Variants in EHMT1 observed in about 807,000 individuals in gnomAD.
The protein encoded by EHMT1 is euchromatic histone lysine methyltransferase 1.
EHMT1 carries 15 observed loss-of-function variants against 147.2 expected under a neutral mutation model. The observed-to-expected ratio is 0.10, with a 90% CI of 0.07 to 0.16. The LOEUF is 0.16. Among genes scored for constraint, EHMT1 ranks in the 10% least tolerant of loss-of-function variants. The pLI, the probability that EHMT1 is intolerant of heterozygous loss-of-function variation, is 1.00. For synonymous variants in EHMT1, 795 were observed against 709.6 expected (o/e 1.12, Z -1.91); for missense variants, 1,587 against 1,772.4 (o/e 0.90, Z 1.88).
chr9:137,668,505 C>T (rs1939961640), intron 1 of EHMT1, among the ~76,000 whole-genome samples: 1 of 152,122 alleles, frequency 6.6e-6, no homozygotes, highest in South Asian at 2.1e-4. Context: ...TACTATATAC[C>T]AGAACTACTA....
At chr9:137,794,224 ATATT>A (rs1413813563) in intron 16 of EHMT1, among the ~76,000 whole-genome samples, 4 of 152,184 alleles carry the variant, frequency 2.6e-5, no homozygotes. Context: ...TCAAATTTGA[ATATT>A]TAATATTTAT....
chr9:137,821,531 T>C (rs762340024), intron 25 of EHMT1, among the ~76,000 whole-genome samples: 4 of 152,076 alleles, frequency 2.6e-5, no homozygotes, highest in Non-Finnish European at 4.4e-5. Context: ...GGAATCTCAC[T>C]GTGTTGCCCA....
intron 9 of EHMT1, among the ~76,000 whole-genome samples, chr9:137,758,827 A>G (rs1949577460): frequency 6.6e-6 from 1 of 152,162 alleles, no homozygotes; most frequent in Non-Finnish European, 1.5e-5. Flanking sequence ...AGCTTAAGAT[A>G]GAAATCTTAG....
At chr9:137,631,694 A>G (rs1031302275) in intron 1 of EHMT1, among the ~76,000 whole-genome samples, 6 of 152,018 alleles carry the variant, frequency 3.9e-5, no homozygotes, top group Admixed American at 6.6e-5. Context: ...TGGACAACAT[A>G]ATGAGACCCT....
intron 3 of EHMT1, among the ~76,000 whole-genome samples, chr9:137,720,259 A>G (rs917971196): frequency 1.3e-5 from 2 of 152,102 alleles, no homozygotes; most frequent in African/African-American, 4.8e-5. Flanking sequence ...ACCAGACCTG[A>G]ACCTGTGCCA....
intron 1 of EHMT1, among the ~76,000 whole-genome samples, chr9:137,635,690 G>C (rs1225535082): frequency 1.3e-5 from 2 of 150,868 alleles, no homozygotes; most frequent in African/African-American, 2.4e-5. Context: ...CGTGGTGGCG[G>C]GCGCCTGTAG....
intron 22 of EHMT1, 90 bp from the exon 23 acceptor site, chr9:137,815,857 A>T: frequency 8.9e-7 from 1 of 1,124,516 alleles, no homozygotes; most frequent in Non-Finnish European, 1.3e-6. Context: ...CGTTTAAGCC[A>T]CACTGGGCAC....
intron 1 of EHMT1, among the ~76,000 whole-genome samples, chr9:137,651,255 T>C (rs1251051204): frequency 6.6e-6 from 1 of 152,260 alleles, no homozygotes; most frequent in Non-Finnish European, 1.5e-5. Flanking sequence ...CATTTTTAAT[T>C]TTGATAAAGT....
intron 1 of EHMT1, among the ~76,000 whole-genome samples, chr9:137,686,391 T>C (rs532295318): frequency 1.3e-5 from 2 of 152,126 alleles, no homozygotes; most frequent in East Asian, 1.9e-4. Flanking sequence ...AAAATTTTTT[T>C]AATTTTTTTA....
At chr9:137,756,057 A>C (rs1254749027) in intron 8 of EHMT1, among the ~76,000 whole-genome samples, 1 of 152,216 alleles carries the variant, frequency 6.6e-6, no homozygotes. Flanking sequence ...GTTTTCTTGA[A>C]GTCCAAGTTA....
chr9:137,816,327 C>T (rs1021238092), intron 23 of EHMT1: 11 of 522,378 alleles, frequency 2.1e-5, no homozygotes, highest in Admixed American at 3.1e-5. Context: ...AGCAGAGGAA[C>T]GGACTTGGCC....
intron 1 of EHMT1, among the ~76,000 whole-genome samples, chr9:137,630,115 C>T (rs1170036853): frequency 6.6e-6 from 1 of 152,148 alleles, no homozygotes; most frequent in East Asian, 1.9e-4. Flanking sequence ...TCTGGAAAAG[C>T]TTGTGGATTT....
At chr9:137,676,385 A>T (rs1202890337) in intron 1 of EHMT1, 1 of 152,456 alleles carries the variant, frequency 6.6e-6, no homozygotes, top group African/African-American at 2.4e-5. Context: ...TTATTTTTTT[A>T]GACAGGGTCT....
intron 6 of EHMT1, among the ~76,000 whole-genome samples, chr9:137,749,431 C>A (rs913169765): frequency 6.6e-6 from 1 of 152,088 alleles, no homozygotes; most frequent in Admixed American, 6.6e-5. Context: ...GCCACCATGT[C>A]CAGCTAATTT....
In EHMT1 at chr9:137,732,949, C is replaced by G. The variant is rs1947243701; in HGVS notation, c.823+4420C>G. ...TCTGCTCTTTCCCTCCTGCTACCCC[C>G]TTAAGTTTACCACAGGCAGGAAAGA... On this transcript the variant is annotated intron_variant, in intron 4 of 26. Coordinates refer to ENST00000460843, the MANE Select transcript of EHMT1 (RefSeq NM_024757.5). The surrounding 1 kb of genome is among the most constrained non-coding windows in gnomAD (Gnocchi z 4.6). 6.6e-6 allele frequency among the ~76,000 whole-genome samples: 1 copy of G among 152,200 alleles called. No individual in the cohort carries two copies.
At chr9:137,771,710 A>G (rs889176691) in intron 10 of EHMT1, among the ~76,000 whole-genome samples, 1 of 152,136 alleles carries the variant, frequency 6.6e-6, no homozygotes. Context: ...TTTTGGCTAC[A>G]GCAGTGCTGT....
intron 19 of EHMT1, 130 bp downstream of exon 19, chr9:137,811,745 A>C (rs1954504497): frequency 1.6e-6 from 2 of 1,259,466 alleles, no homozygotes; most frequent in African/African-American, 1.5e-5. Flanking sequence ...TTCGTGTGGA[A>C]GTCCATCCTT....
At chr9:137,834,548 C>T (rs1212915253) in intron 26 of EHMT1, 24 bp downstream of exon 26, 4 of 1,608,356 alleles carry the variant, frequency 2.5e-6, no homozygotes, top group Non-Finnish European at 8.5e-7. Flanking sequence ...CGGCCCCTGG[C>T]CATCTCCGCT....
Position 137,813,903 on chromosome 9 carries a change from GCC to G in EHMT1, c.3180+377_3180+378del, listed in dbSNP as rs1012590722. On this transcript the variant is annotated intron_variant, in intron 21 of 26. Coordinates refer to ENST00000460843, the MANE Select transcript of EHMT1 (RefSeq NM_024757.5). The surrounding 1 kb of genome is among the most constrained non-coding windows in gnomAD (Gnocchi z 4.9). ...ACGACCTGGATCCCTGCACCTCCCAGCCCCCGGAGAGATGGGTCCAGCACATG... is the reference window on the plus strand; with the variant it reads ...ACGACCTGGATCCCTGCACCTCCCAGCCCGGAGAGATGGGTCCAGCACATG... 4.6e-5 allele frequency among the ~76,000 whole-genome samples: 7 copies of G among 152,124 alleles called. No homozygotes were observed. Among genetic ancestry groups the G allele is most frequent in the African/African-American group, 7.2e-5 (3 of 41,434 alleles).
Sources: allele counts gnomAD v4.1 joint callset (sites outside exome capture counted in the v4.1 genomes callset), GRCh38; gene constraint gnomAD v4.1.1; non-coding constraint Gnocchi (gnomAD v3.1); transcripts MANE v1.5; gene names NCBI Gene and HGNC (gene_info 2026-07-23, HGNC 2026-07-21).